The following CHFR variants were observed in gnomAD, a reference collection of about 807,000 sequenced individuals.
CHFR encodes checkpoint with forkhead and ring finger domains, also known as E3 ubiquitin-protein ligase CHFR.
CHFR carries 57 observed loss-of-function variants against 87.6 expected under a neutral mutation model. That is an observed-to-expected ratio of 0.65 (90% CI 0.53 to 0.81). The LOEUF is 0.81. Among genes scored for constraint, CHFR ranks in the 30% least tolerant of loss-of-function variants. CHFR has a pLI of 0.00. For missense variants in CHFR, 797 were observed against 865.8 expected (o/e 0.92, Z 1.00); for synonymous variants, 381 against 359.2 (o/e 1.06, Z -0.69).
At chr12:132,853,264 G>A (rs892931841) in intron 11 of CHFR, among the ~76,000 whole-genome samples, 167 bp downstream of exon 11, 8 of 152,208 alleles carry the variant, frequency 5.3e-5, no homozygotes, top group Non-Finnish European at 1.2e-4. Flanking sequence ...AATCAGTCAC[G>A]AAAAGCAACC....
Position 132,841,393 on chromosome 12 carries a change from G to C in CHFR, c.*161C>G. On this transcript the variant is annotated 3_prime_UTR_variant, in exon 18 of 18. Coordinates refer to ENST00000450056, the MANE Select transcript of CHFR (RefSeq NM_001161346.2). ...GGCTCTGGGGAGGGTCTCACTCAGAGGGTAAAGCTCCACAGAAGAGTCACC... is the reference window on the plus strand; with the variant it reads ...GGCTCTGGGGAGGGTCTCACTCAGACGGTAAAGCTCCACAGAAGAGTCACC... 2 of 633,042 alleles carry C rather than the reference G, an allele frequency of 3.2e-6. No individual in the cohort carries two copies. The highest frequency in any genetic ancestry group is 2.8e-6 in the Non-Finnish European group (1 of 358,266). The allele number at this position is 633,042 out of a possible 1,614,324, so 39.2% of individuals were successfully genotyped here. A position where few individuals can be genotyped will look rare whatever the true frequency, so the allele number is the denominator to read the frequency against.
rs1023588651 is a variant in CHFR, at chr12:132,861,390, C to T, written c.751+77G>A. 4 of 1,458,350 alleles carry T rather than the reference C, an allele frequency of 2.7e-6. No individual in the cohort carries two copies. In the African/African-American group the frequency reaches 4.2e-5, roughly 15 times the overall value. 90.3% of individuals were successfully genotyped at this position (1,458,350 alleles called of 1,614,324 possible). On this transcript the variant is annotated intron_variant, in intron 7 of 17. Coordinates refer to ENST00000450056, the MANE Select transcript of CHFR (RefSeq NM_001161346.2). ...CCCTGCAGGAAGCAATGCCCCACAG[C>T]ACGGAGCATGGCAGCGGCCCCCGCA...
intron 6 of CHFR, chr12:132,866,558 T>TTGTTATAACACACCAGAA (rs1566193224): frequency 7.7e-5 from 11 of 142,048 alleles, no homozygotes; most frequent in African/African-American, 2.6e-4. Context: ...CACACCGCGA[T>TTGTTATAACACACCAGAA]TGTTACAACA....
At chr12:132,872,796 G>A (rs972530903) in intron 3 of CHFR, among the ~76,000 whole-genome samples, 1 of 152,202 alleles carries the variant, frequency 6.6e-6, no homozygotes, top group Non-Finnish European at 1.5e-5. Context: ...GTGAACTCAT[G>A]CCTCCAATGA....
At position 132,832,571 on chromosome 12, in the gene CHFR, T is replaced by A. The variant is rs1950624867; in HGVS notation, c.*8983A>T. The A allele has an allele frequency of 6.6e-6, 1 of 152,214 alleles. No individual in the cohort carries two copies. The highest frequency in any genetic ancestry group is 1.5e-5 in the Non-Finnish European group (1 of 68,046). 9.4% of individuals were successfully genotyped at this position (152,214 alleles called of 1,614,324 possible). A position where few individuals can be genotyped will look rare whatever the true frequency, so the allele number is the denominator to read the frequency against. On this transcript the variant is annotated 3_prime_UTR_variant, in exon 18 of 18. Coordinates refer to ENST00000450056, the MANE Select transcript of CHFR (RefSeq NM_001161346.2). ...TACATTGTATGTCTGTATTAAAATA[T>A]CAAGGTACTCCATAAATATATACAC...
intron 7 of CHFR, among the ~76,000 whole-genome samples, chr12:132,860,658 T>C (rs1951191478): frequency 6.6e-6 from 1 of 152,266 alleles, no homozygotes; most frequent in Non-Finnish European, 1.5e-5. Flanking sequence ...ACTTTGGCTT[T>C]CAAAGTGCAG....
At chr12:132,869,837 G>A in intron 5 of CHFR, 39 bp from the exon 6 acceptor site, 4 of 1,550,278 alleles carry the variant, frequency 2.6e-6, no homozygotes, top group Non-Finnish European at 3.5e-6. Flanking sequence ...GTTAGCTTCT[G>A]TAACCCAAAA....
chr12:132,886,077 C>T (rs1313757556), intron 2 of CHFR, among the ~76,000 whole-genome samples: 3 of 152,138 alleles, frequency 2.0e-5, no homozygotes, highest in Admixed American at 6.6e-5. Context: ...TTTCGGAGGC[C>T]GAAGCAGGTG....
chr12:132,876,985 G>A (rs920046630), intron 3 of CHFR, among the ~76,000 whole-genome samples: 6 of 152,056 alleles, frequency 3.9e-5, no homozygotes, highest in Non-Finnish European at 7.4e-5. Context: ...AAGAGAGACA[G>A]GGTTTCTCCA....
rs1194539547 is a variant in CHFR at position 132,851,738 on chromosome 12, C to A, written c.1373-1G>T. On this transcript the variant is annotated splice_acceptor_variant, in intron 11 of 17. Coordinates refer to ENST00000450056, the MANE Select transcript of CHFR (RefSeq NM_001161346.2). LOFTEE classifies it high-confidence loss of function. ...AGAGGGCACACGTAATCCTGGACTG[C>A]TGAAGCACACGCACATTCAGCCGGA... 1 of 1,610,006 alleles carries A rather than the reference C, an allele frequency of 6.2e-7. No individual in the cohort carries two copies. Among genetic ancestry groups the A allele is most frequent in the Non-Finnish European group, 8.5e-7 (1 of 1,177,500 alleles).
Position 132,856,518 on chromosome 12 carries a change from T to TG in CHFR, c.1178dup (p.Glu394ArgfsTer10), listed in dbSNP as rs1951073572. On this transcript the variant is annotated frameshift_variant, in exon 10 of 18. Transcript: ENST00000450056. LOFTEE classifies it high-confidence loss of function. Reference sequence around the variant, plus strand: ...CGTCTGACAGCTCCAGCAGGTCCTCTGAACTCCCTTCTTCATCAGAAAAAG... The same window carrying TG: ...CGTCTGACAGCTCCAGCAGGTCCTCTGGAACTCCCTTCTTCATCAGAAAAAG... 13 of 1,614,114 alleles carry TG rather than the reference T, an allele frequency of 8.1e-6. No homozygotes were observed. Among genetic ancestry groups the TG allele is most frequent in the African/African-American group, 1.3e-5 (1 of 74,946 alleles).
At chr12:132,872,203 G>A in intron 4 of CHFR, 82 bp downstream of exon 4, 2 of 831,336 alleles carry the variant, frequency 2.4e-6, no homozygotes, top group Non-Finnish European at 4.2e-6. Context: ...GGGAAGGGAT[G>A]TAGCCAGGAG....
chr12:132,839,769 G>T lies in CHFR; in HGVS notation c.*1785C>A. 6.4e-6 allele frequency: 1 copy of T among 156,762 alleles called. No homozygotes were observed. The highest frequency in any genetic ancestry group is 1.1e-4 in the South Asian group (1 of 9,022). The allele number at this position is 156,762 out of a possible 1,614,324, so 9.7% of individuals were successfully genotyped here. A position where few individuals can be genotyped will look rare whatever the true frequency, so the allele number is the denominator to read the frequency against. ...TGGCTTCATCCATGCACAAACTTGG[G>T]ACCTCCCTTCTCGGCCTCACCCCTG... is the stretch of plus-strand genomic sequence containing the variant. On this transcript the variant is annotated 3_prime_UTR_variant, in exon 18 of 18. Transcript: ENST00000450056.
At chr12:132,861,353 G>A in intron 7 of CHFR, 114 bp downstream of exon 7, 2 of 1,048,170 alleles carry the variant, frequency 1.9e-6, no homozygotes, top group Admixed American at 4.5e-5. Context: ...ACCTGAGGCA[G>A]GGTCCACATG....
chr12:132,884,788 C>A (rs1951849040), intron 2 of CHFR, among the ~76,000 whole-genome samples: 1 of 152,032 alleles, frequency 6.6e-6, no homozygotes, highest in African/African-American at 2.4e-5. Flanking sequence ...CCTCCTGAAC[C>A]ATGAAAATAA....
Position 132,887,346 on chromosome 12 carries a change from G to A in CHFR, c.-12-6C>T, listed in dbSNP as rs992866706. ...CGCTCCATCGGGATTCACATCTGCG[G>A]AGACCCCGGAAACGCCCATGGAGAC... is the stretch of plus-strand genomic sequence containing the variant. On this transcript the variant is annotated splice_region_variant and splice_polypyrimidine_tract_variant and intron_variant, in intron 1 of 17. Coordinates refer to ENST00000450056, the MANE Select transcript of CHFR (RefSeq NM_001161346.2). The A allele has an allele frequency of 3.8e-5, 53 of 1,413,246 alleles. No individual in the cohort carries two copies. The highest frequency in any genetic ancestry group is 3.8e-5 in the Non-Finnish European group (41 of 1,085,528). The allele number at this position is 1,413,246 out of a possible 1,614,324, so 87.5% of individuals were successfully genotyped here. A position where few individuals can be genotyped will look rare whatever the true frequency, so the allele number is the denominator to read the frequency against.
chr12:132,851,399 C>T (rs1221835106), intron 12 of CHFR, among the ~76,000 whole-genome samples: 3 of 152,070 alleles, frequency 2.0e-5, no homozygotes, highest in South Asian at 2.1e-4. Flanking sequence ...GCCGAGCCCC[C>T]GGTGGATGGA....
chr12:132,870,579 G>T, intron 5 of CHFR, 145 bp downstream of exon 5: 8 of 498,364 alleles, frequency 1.6e-5, no homozygotes, highest in East Asian at 3.3e-5. Flanking sequence ...GGAATTGCTT[G>T]AACCCAGGAG....
intron 10 of CHFR, among the ~76,000 whole-genome samples, chr12:132,855,255 AAAG>A (rs1951040755): frequency 6.6e-6 from 1 of 151,820 alleles, no homozygotes; most frequent in Non-Finnish European, 1.5e-5. Context: ...AAAAAAAAAA[AAAG>A]AAAAGAAAAA....
Sources: allele counts gnomAD v4.1 joint callset (sites outside exome capture counted in the v4.1 genomes callset), GRCh38; gene constraint gnomAD v4.1.1; transcripts MANE v1.5; gene names NCBI Gene and HGNC (gene_info 2026-07-23, HGNC 2026-07-21).